TCF7L1: variants seen among roughly 807,000 people sequenced by gnomAD.
TCF7L1 encodes transcription factor 7 like 1.
A neutral mutation model predicts 63.7 loss-of-function variants in TCF7L1; 18 were observed. The ratio of observed to expected loss-of-function variants is 0.28; its 90% confidence interval spans 0.20 to 0.42. The LOEUF is 0.42. Ranked by LOEUF, TCF7L1 falls within the 10% of genes least tolerant of loss-of-function variation. The pLI, the probability that TCF7L1 is intolerant of heterozygous loss-of-function variation, is 1.00. For missense variants in TCF7L1, 654 were observed against 779.3 expected (o/e 0.84, Z 1.91); for synonymous variants, 355 against 340.9 (o/e 1.04, Z -0.46).
intron 3 of TCF7L1, among the ~76,000 whole-genome samples, chr2:85,232,708 A>C (rs983915134): frequency 1.3e-5 from 2 of 152,178 alleles, no homozygotes; most frequent in African/African-American, 2.4e-5. Context: ...GCAAGATCTC[A>C]AAAAATATAA....
At chr2:85,185,765 G>C (rs1164639742) in intron 3 of TCF7L1, among the ~76,000 whole-genome samples, 1 of 152,088 alleles carries the variant, frequency 6.6e-6, no homozygotes, top group Non-Finnish European at 1.5e-5. Flanking sequence ...CCTGTGGCGG[G>C]TTTTTGTGAT....
chr2:85,301,655 TAA>T (rs1481867785), intron 4 of TCF7L1, among the ~76,000 whole-genome samples: 1 of 152,070 alleles, frequency 6.6e-6, no homozygotes, highest in Non-Finnish European at 1.5e-5. Context: ...GTCAGCAGAG[TAA>T]AGTGTTACAG....
intron 3 of TCF7L1, among the ~76,000 whole-genome samples, chr2:85,263,845 C>T (rs1680911625): frequency 6.6e-6 from 1 of 152,230 alleles, no homozygotes; most frequent in South Asian, 2.1e-4. Flanking sequence ...GGCCAAGGTT[C>T]TGAGGAGCGG....
At chr2:85,176,378 C>T (rs375938277) in intron 3 of TCF7L1, among the ~76,000 whole-genome samples, 2 of 152,230 alleles carry the variant, frequency 1.3e-5, no homozygotes, top group Admixed American at 1.3e-4. Flanking sequence ...TCTTCCCATA[C>T]ATCTTCATGG....
chr2:85,183,464 T>C (rs573559113), intron 3 of TCF7L1, among the ~76,000 whole-genome samples: 1 of 152,314 alleles, frequency 6.6e-6, no homozygotes, highest in South Asian at 2.1e-4. Flanking sequence ...TGGACTTTGC[T>C]TCTGACATTT....
At chr2:85,244,124 G>A (rs1680406010) in intron 3 of TCF7L1, among the ~76,000 whole-genome samples, 1 of 152,192 alleles carries the variant, frequency 6.6e-6, no homozygotes, top group South Asian at 2.1e-4. Flanking sequence ...GATGGCGCTT[G>A]GTAGGTTCCA....
At chr2:85,138,888 T>A (rs1677656461) in intron 3 of TCF7L1, among the ~76,000 whole-genome samples, 1 of 152,176 alleles carries the variant, frequency 6.6e-6, no homozygotes, top group African/African-American at 2.4e-5. Context: ...TATAAATGAT[T>A]AACTCGCTGG....
At chr2:85,262,669 A>G (rs1299442648) in intron 3 of TCF7L1, among the ~76,000 whole-genome samples, 1 of 152,224 alleles carries the variant, frequency 6.6e-6, no homozygotes, top group African/African-American at 2.4e-5. Flanking sequence ...TCCCCATCAT[A>G]TACATGGGGG....
At chr2:85,243,979 G>C (rs757208340) in intron 3 of TCF7L1, among the ~76,000 whole-genome samples, 1 of 152,220 alleles carries the variant, frequency 6.6e-6, no homozygotes, top group African/African-American at 2.4e-5. Context: ...GGAGGGTTCA[G>C]GGTAAAGCCT....
chr2:85,278,291 G>A (rs978790692), intron 3 of TCF7L1, among the ~76,000 whole-genome samples: 3 of 152,218 alleles, frequency 2.0e-5, no homozygotes, highest in African/African-American at 7.2e-5. Flanking sequence ...TTGAGAAAGA[G>A]AGGAGCAGAG....
chr2:85,216,345 CAAAA>C (rs1283057859), intron 3 of TCF7L1, among the ~76,000 whole-genome samples: 3 of 151,992 alleles, frequency 2.0e-5, no homozygotes, highest in Non-Finnish European at 4.4e-5. Context: ...TGTGACTGTG[CAAAA>C]TGCAATTTGC....
intron 3 of TCF7L1, among the ~76,000 whole-genome samples, chr2:85,170,824 T>C (rs906883967): frequency 6.6e-6 from 1 of 152,208 alleles, no homozygotes; most frequent in African/African-American, 2.4e-5. Flanking sequence ...ATTCCCCGAC[T>C]GGAACCACAA....
rs572365329 is a variant in TCF7L1 at position 85,303,808 on chromosome 2, C to T, written c.659-87C>T. 4.8e-5 allele frequency: 49 copies of T among 1,011,552 alleles called. No individual in the cohort carries two copies. The African/African-American group carries it at 7.6e-4, about 16-fold the overall frequency. The allele number at this position is 1,011,552 out of a possible 1,614,324, so 62.7% of individuals were successfully genotyped here. On this transcript the variant is annotated intron_variant, in intron 5 of 11. Coordinates refer to ENST00000282111, the MANE Select transcript of TCF7L1 (RefSeq NM_031283.3). ...CTGCTAGGCTCCAGAGCACCAGGGA[C>T]ATAGGGCAGGATGCTCCCATTTGAT... is the stretch of plus-strand genomic sequence containing the variant.
intron 3 of TCF7L1, among the ~76,000 whole-genome samples, chr2:85,166,532 C>G (rs897109661): frequency 2.6e-5 from 4 of 152,232 alleles, no homozygotes; most frequent in Non-Finnish European, 5.9e-5. Flanking sequence ...AGGGTAAGGT[C>G]TTAGCCTGGT....
At chr2:85,238,138 G>A (rs1680235322) in intron 3 of TCF7L1, among the ~76,000 whole-genome samples, 1 of 152,178 alleles carries the variant, frequency 6.6e-6, no homozygotes, top group South Asian at 2.1e-4. Flanking sequence ...AGCGAGGGAG[G>A]TGGAGATTCA....
At chr2:85,180,396 G>C (rs2104249279) in intron 3 of TCF7L1, among the ~76,000 whole-genome samples, 1 of 151,980 alleles carries the variant, frequency 6.6e-6, no homozygotes, top group East Asian at 1.9e-4. Context: ...TGAACAGTGT[G>C]TGAGCCCAGC....
Position 85,133,708 on chromosome 2 carries a change from C to CGGCGGG in TCF7L1, c.29_30insGGGCGG (p.Gly13_Gly14dup), listed in dbSNP as rs1553392203. 1.4e-5 allele frequency: 5 copies of CGGCGGG among 349,316 alleles called. No individual in the cohort carries two copies. The highest frequency in any genetic ancestry group is 1.0e-4 in the South Asian group (1 of 9,994). The allele number at this position is 349,316 out of a possible 1,614,324, so 21.6% of individuals were successfully genotyped here. ...CCATGCCCCAGCTCGGCGGCGGGGG[C>CGGCGGG]GGCGGCGGCGGCGGCGGCAGCGGGG... On this transcript the variant is annotated inframe_insertion, in exon 1 of 12. Transcript: ENST00000282111. The surrounding 1 kb of genome is among the most constrained non-coding windows in gnomAD (Gnocchi z 4.4).
In TCF7L1 at chr2:85,250,912, A is replaced by G. The variant is rs114418718; in HGVS notation, c.442-32583A>G. ...GAGACCTTTCAGAGCCACTAAAGAA[A>G]GGCAAAGGAGAAACTGTAGTCTCGG... On this transcript the variant is annotated intron_variant, in intron 3 of 11. Transcript: ENST00000282111. 9.4e-3 allele frequency among the ~76,000 whole-genome samples: 1,430 copies of G among 152,356 alleles called. 18 individuals are homozygous for G. Among genetic ancestry groups the G allele is most frequent in the African/African-American group, 0.033 (1,365 of 41,578 alleles).
At chr2:85,196,096 G>C (rs1679148486) in intron 3 of TCF7L1, among the ~76,000 whole-genome samples, 1 of 152,140 alleles carries the variant, frequency 6.6e-6, no homozygotes, top group Non-Finnish European at 1.5e-5. Flanking sequence ...TGTTGATGTT[G>C]CTGGCATTTC....
Sources: gnomAD v4.1 joint callset for allele counts (sites outside exome capture counted in the v4.1 genomes callset) on GRCh38, gnomAD v4.1.1 for gene constraint, Gnocchi (gnomAD v3.1) non-coding constraint, MANE v1.5 for transcripts, NCBI Gene and HGNC (gene_info 2026-07-23, HGNC 2026-07-21) for gene names.